GFRAL: variants seen among roughly 807,000 people sequenced by gnomAD.
The protein encoded by GFRAL is GDNF family receptor alpha like, also known as GDNF family receptor alpha-like.
GFRAL carries 36 observed loss-of-function variants against 45.4 expected under a neutral mutation model. That is an observed-to-expected ratio of 0.79 (90% CI 0.61 to 1.05). GFRAL has a LOEUF of 1.05. Among genes scored for constraint, GFRAL ranks in the 50% least tolerant of loss-of-function variants. The pLI is 0.00. For synonymous variants in GFRAL, 166 were observed against 154.1 expected (o/e 1.08, Z -0.57); for missense variants, 507 against 467.5 (o/e 1.08, Z -0.78).
intron 6 of GFRAL, among the ~76,000 whole-genome samples, chr6:55,395,211 T>G (rs1030813561): frequency 1.5e-4 from 22 of 145,398 alleles, no homozygotes; most frequent in African/African-American, 5.3e-4. Context: ...CTAGGTAAAA[T>G]TTTACACATT....
intron 3 of GFRAL, among the ~76,000 whole-genome samples, chr6:55,348,493 A>G (rs948053160): frequency 3.9e-5 from 6 of 151,952 alleles, no homozygotes; most frequent in African/African-American, 1.5e-4. Flanking sequence ...CAAAAATTGT[A>G]TTTTTCCCCA....
At chr6:55,375,745 C>T (rs1768514897) in intron 6 of GFRAL, among the ~76,000 whole-genome samples, 1 of 152,106 alleles carries the variant, frequency 6.6e-6, no homozygotes, top group Non-Finnish European at 1.5e-5. Flanking sequence ...TGCTTATCAG[C>T]TTAAGATGCT....
chr6:55,343,967 T>C (rs973400632), intron 3 of GFRAL, among the ~76,000 whole-genome samples: 13 of 151,930 alleles, frequency 8.6e-5, no homozygotes, highest in African/African-American at 3.1e-4. Flanking sequence ...ATGCATACAC[T>C]CTACCAAGAC....
At chr6:55,374,202 G>C (rs926795885) in intron 6 of GFRAL, among the ~76,000 whole-genome samples, 2 of 152,160 alleles carry the variant, frequency 1.3e-5, no homozygotes, top group East Asian at 3.8e-4. Flanking sequence ...TAGTGCTGCA[G>C]TGAACATATC....
At chr6:55,381,360 ATCTG>A (rs1768605208) in intron 6 of GFRAL, among the ~76,000 whole-genome samples, 1 of 151,836 alleles carries the variant, frequency 6.6e-6, no homozygotes, top group Non-Finnish European at 1.5e-5. Flanking sequence ...CTTCTCACCC[ATCTG>A]TCTATCGATC....
intron 6 of GFRAL, among the ~76,000 whole-genome samples, chr6:55,381,939 G>A (rs1396325581): frequency 6.6e-6 from 1 of 151,718 alleles, no homozygotes; most frequent in Non-Finnish European, 1.5e-5. Context: ...AGTATTTCAG[G>A]AGCTTTATGT....
intron 3 of GFRAL, among the ~76,000 whole-genome samples, chr6:55,349,013 G>C (rs1299945479): frequency 1.3e-5 from 2 of 152,040 alleles, no homozygotes; most frequent in South Asian, 4.1e-4. Flanking sequence ...ATTAGATATG[G>C]AATAGTAGCA....
chr6:55,350,258 C>G, intron 4 of GFRAL, 113 bp downstream of exon 4: 1 of 657,560 alleles, frequency 1.5e-6, no homozygotes, highest in Non-Finnish European at 2.7e-6. Flanking sequence ...TGTGGTTTAA[C>G]AGTTCTAATA....
chr6:55,399,321 C>A, intron 7 of GFRAL, 46 bp downstream of exon 7: 1 of 1,532,110 alleles, frequency 6.5e-7, no homozygotes, highest in Non-Finnish European at 9.0e-7. Flanking sequence ...TATTTATTTC[C>A]TCTAAAAATC....
intron 3 of GFRAL, among the ~76,000 whole-genome samples, chr6:55,334,169 C>T (rs1767864817): frequency 1.3e-5 from 2 of 151,960 alleles, no homozygotes; most frequent in South Asian, 2.1e-4. Flanking sequence ...TTCTGTGAGC[C>T]ATAGACCTCA....
intron 6 of GFRAL, among the ~76,000 whole-genome samples, chr6:55,371,250 A>G (rs1040818917): frequency 6.6e-6 from 1 of 152,222 alleles, no homozygotes; most frequent in African/African-American, 2.4e-5. Flanking sequence ...TATACTGTCA[A>G]ACTCTTCATG....
At chr6:55,363,581 TCCC>T (rs67419032) in intron 6 of GFRAL, among the ~76,000 whole-genome samples, 5 of 107,552 alleles carry the variant, frequency 4.6e-5, no homozygotes, top group African/African-American at 1.8e-4. Context: ...ATGCTATCCC[TCCC>T]CCCTCCCCCC....
rs528143024 is a variant in GFRAL, at chr6:55,345,607, G to A, written c.317-4485G>A. Among the ~76,000 whole-genome samples the A allele has an allele frequency of 9.2e-5, 14 of 152,202 alleles. No individual in the cohort carries two copies. In the East Asian group the frequency reaches 2.5e-3, roughly 27 times the overall value. On this transcript the variant is annotated intron_variant, in intron 3 of 8. Transcript: ENST00000340465. ...ATAAAAACCCTAGAAGAAAACCTAG[G>A]CAATACCATTCAGGAGATAGGCACG...
intron 6 of GFRAL, among the ~76,000 whole-genome samples, chr6:55,392,589 T>C (rs187914564): frequency 2.6e-3 from 401 of 152,284 alleles, no homozygotes; most frequent in Middle Eastern, 0.017. Flanking sequence ...GGGATTGATG[T>C]TGCATCACAT....
intron 5 of GFRAL, among the ~76,000 whole-genome samples, chr6:55,355,798 C>G (rs541638476): frequency 1.4e-4 from 21 of 151,936 alleles, no homozygotes; most frequent in African/African-American, 5.1e-4. Flanking sequence ...TGTCTCATTA[C>G]AGATCATAGA....
intron 6 of GFRAL, among the ~76,000 whole-genome samples, chr6:55,369,534 C>A (rs1768421481): frequency 6.6e-6 from 1 of 152,074 alleles, no homozygotes; most frequent in Admixed American, 6.6e-5. Context: ...GTTAACTAAT[C>A]TCCTGTTAAT....
intron 6 of GFRAL, among the ~76,000 whole-genome samples, chr6:55,393,117 G>C (rs1041399466): frequency 6.7e-6 from 1 of 150,120 alleles, no homozygotes; most frequent in African/African-American, 2.4e-5. Flanking sequence ...GATCCTCAAT[G>C]AACATCTTAT....
intron 3 of GFRAL, among the ~76,000 whole-genome samples, chr6:55,337,015 T>C (rs953831313): frequency 1.1e-4 from 17 of 152,082 alleles, no homozygotes; most frequent in Non-Finnish European, 2.4e-4. Flanking sequence ...TTTTGGGGAG[T>C]ATTTCTATTT....
chr6:55,377,054 G>A (rs1000557862), intron 6 of GFRAL, among the ~76,000 whole-genome samples: 2 of 151,990 alleles, frequency 1.3e-5, no homozygotes, highest in African/African-American at 4.8e-5. Flanking sequence ...AAGCAGCCAA[G>A]AGTGAGCCAT....
Sources: gnomAD v4.1 joint callset for allele counts (sites outside exome capture counted in the v4.1 genomes callset) on GRCh38, gnomAD v4.1.1 for gene constraint, MANE v1.5 for transcripts, NCBI Gene and HGNC (gene_info 2026-07-23, HGNC 2026-07-21) for gene names.